Variants in AGRN observed in about 807,000 individuals in gnomAD.
The protein encoded by AGRN is agrin, also known as agrin proteoglycan.
A neutral mutation model predicts 211.0 loss-of-function variants in AGRN; 106 were observed. That is an observed-to-expected ratio of 0.50 (90% CI 0.43 to 0.59). The LOEUF is 0.59. Ranked by LOEUF, AGRN falls within the 20% of genes least tolerant of loss-of-function variation. AGRN has a pLI of 0.00. For missense variants in AGRN, 3,040 were observed against 2,982.6 expected (o/e 1.02, Z -0.45); for synonymous variants, 1,525 against 1,332.5 (o/e 1.14, Z -3.15).
intron 19 of AGRN, 167 bp from the exon 20 acceptor site, chr1:1,047,160 C>T (rs1645122495): frequency 7.4e-7 from 1 of 1,356,788 alleles, no homozygotes; most frequent in South Asian, 1.5e-5. Flanking sequence ...AGGAGTCCTC[C>T]TGGTAACCGA....
intron 26 of AGRN, 37 bp downstream of exon 26, chr1:1,049,832 C>T (rs751199665): frequency 5.2e-5 from 84 of 1,609,766 alleles, no homozygotes; most frequent in Middle Eastern, 5.0e-4. Context: ...AGTGGGACCC[C>T]GGGGCCTGTG....
chr1:1,049,205 G>A (rs370076011), intron 24 of AGRN, 31 bp from the exon 25 acceptor site: 665 of 1,524,142 alleles, frequency 4.4e-4, no homozygotes, highest in Non-Finnish European at 5.2e-4. Context: ...GGGGCCGGGC[G>A]ATGGTCCTGA....
chr1:1,048,597 T>A lies in AGRN; in HGVS notation c.4105+232T>A, dbSNP rs1347159361. 4.3e-5 allele frequency: 25 copies of A among 585,486 alleles called. No homozygotes were observed. In the East Asian group the frequency reaches 7.3e-4, roughly 17 times the overall value. The allele number at this position is 585,486 out of a possible 1,614,324, so 36.3% of individuals were successfully genotyped here. On this transcript the variant is annotated intron_variant, in intron 23 of 35. Transcript: ENST00000379370. This position sits in a 1 kb window ranked among gnomAD's most constrained non-coding sequence, Gnocchi z 5.9. The stretch of plus-strand genomic sequence containing the variant: ...ACCAGCCTGACCAACATGGAGACAC[T>A]CTGTCTCTACTAAAAATACAAAATT...
chr1:1,026,827 C>T (rs1249088913), intron 2 of AGRN, among the ~76,000 whole-genome samples: 1 of 152,176 alleles, frequency 6.6e-6, no homozygotes. Flanking sequence ...GAGATATCAC[C>T]CCATGGACAG....
chr1:1,022,689 C>T (rs1279554701), intron 2 of AGRN, among the ~76,000 whole-genome samples: 2 of 152,232 alleles, frequency 1.3e-5, no homozygotes, highest in Non-Finnish European at 2.9e-5. Context: ...AAGGCAAGTC[C>T]CAGCCCTGCA....
At chr1:1,036,523 G>A (rs1046682039) in intron 3 of AGRN, among the ~76,000 whole-genome samples, 1 of 152,164 alleles carries the variant, frequency 6.6e-6, no homozygotes, top group African/African-American at 2.4e-5. Context: ...CAAGTGGGCA[G>A]TGGTTCTCCC....
rs776866121 is a variant in AGRN at position 1,046,643 on chromosome 1, T to C, written c.3158T>C (p.Val1053Ala). 1.3e-6 allele frequency: 2 copies of C among 1,597,762 alleles called. No homozygotes were observed. The highest frequency in any genetic ancestry group is 1.7e-6 in the Non-Finnish European group (2 of 1,177,572). The change falls in exon 18 of 36, where the codon GTG becomes GCG. Residue 1053 changes from valine to alanine, a missense_variant. By Grantham distance (64) the Val-to-Ala change is moderately conservative. This residue lies in a region of AGRN where 1,537 missense variants were observed against 1,505.0 expected (regional missense o/e 1.02). Coordinates refer to ENST00000379370, the MANE Select transcript of AGRN (RefSeq NM_198576.4). Reference sequence around the variant, plus strand: ...GCACCCTCCCCTGCACCCAGCCTGGTGGCGTCCGCCTTTGGTGAATCTGGC... The same window carrying C: ...GCACCCTCCCCTGCACCCAGCCTGGCGGCGTCCGCCTTTGGTGAATCTGGC... Reference protein sequence around the residue: ...PTAPSPAPSLVASAFGESGST... With the variant: ...PTAPSPAPSLAASAFGESGST...
chr1:1,045,164 C>T lies in AGRN; in HGVS notation c.2258C>T (p.Pro753Leu). ...AGTCCCGTACCCTTTCCTGCAGGCC[C>T]CACCTTCGCCCCGCTGCCGCCTGTG... The part of the protein sequence containing the change: ...YVAAQGACRG[P>L]TFAPLPPVAP... The change falls in exon 13 of 36, where the codon CCC becomes CTC. Residue 753 changes from proline to leucine, a missense_variant. Physicochemically the swap from Pro to Leu is moderately conservative, Grantham distance 98. This residue lies in a region of AGRN where 1,498 missense variants were observed against 1,457.8 expected (regional missense o/e 1.03). Transcript: ENST00000379370. 1.2e-6 allele frequency: 2 copies of T among 1,612,148 alleles called. No individual in the cohort carries two copies.
chr1:1,042,310 A>T, intron 7 of AGRN, 148 bp downstream of exon 7: 1 of 1,088,902 alleles, frequency 9.2e-7, no homozygotes, highest in Non-Finnish European at 1.3e-6. Context: ...GGGAGGGTGG[A>T]GCCTGTGTGC....
rs751833707 is a variant in AGRN, at chr1:1,046,670, G to A, written c.3185G>A (p.Ser1062Asn). The part of the protein sequence containing the change: ...LVASAFGESG[S>N]TDGSSDEELS... ...GCGTCCGCCTTTGGTGAATCTGGCA[G>A]CACTGATGGAAGCAGCGATGAGGAA... is the stretch of plus-strand genomic sequence containing the variant. Residue 1062 changes from serine (S) to asparagine (N), a missense_variant, in exon 18 of 36, where the codon AGC becomes AAC. Around this residue, in one of 3 missense-constraint regions of AGRN, gnomAD observed 1,537 missense variants for 1,505.0 expected, o/e 1.02. Transcript: ENST00000379370. The A allele has an allele frequency of 8.2e-6, 13 of 1,591,300 alleles. No homozygotes were observed. The East Asian group carries it at 2.5e-4, about 30-fold the overall frequency.
Position 1,048,604 on chromosome 1 carries a change from C to T in AGRN, c.4105+239C>T. ...TGACCAACATGGAGACACTCTGTCTCTACTAAAAATACAAAATTAGCCGGG... is the reference window on the plus strand; with the variant it reads ...TGACCAACATGGAGACACTCTGTCTTTACTAAAAATACAAAATTAGCCGGG... On this transcript the variant is annotated intron_variant, in intron 23 of 35. Coordinates refer to ENST00000379370, the MANE Select transcript of AGRN (RefSeq NM_198576.4). The surrounding 1 kb of genome is among the most constrained non-coding windows in gnomAD (Gnocchi z 5.9). The T allele has an allele frequency of 1.7e-6, 1 of 594,522 alleles. No individual in the cohort carries two copies. Among genetic ancestry groups the T allele is most frequent in the Non-Finnish European group, 2.9e-6 (1 of 343,256 alleles). 36.8% of individuals were successfully genotyped at this position (594,522 alleles called of 1,614,324 possible). A position where few individuals can be genotyped will look rare whatever the true frequency, so the allele number is the denominator to read the frequency against.
chr1:1,055,301 T>C lies in AGRN; in HGVS notation c.*320T>C, dbSNP rs1284214771. The C allele has an allele frequency of 2.4e-6, 1 of 416,880 alleles. No individual in the cohort carries two copies. The highest frequency in any genetic ancestry group is 2.0e-5 in the African/African-American group (1 of 49,272). The allele number at this position is 416,880 out of a possible 1,614,324, so 25.8% of individuals were successfully genotyped here. On this transcript the variant is annotated 3_prime_UTR_variant, in exon 36 of 36. Coordinates refer to ENST00000379370, the MANE Select transcript of AGRN (RefSeq NM_198576.4). ...CGGCTCCTGAATCACCCTCGCTCCG[T>C]CAGGCGGGACTCGTGTCCCAGAGAG...
chr1:1,036,448 C>T (rs531935207), intron 3 of AGRN, among the ~76,000 whole-genome samples: 9 of 152,200 alleles, frequency 5.9e-5, no homozygotes, highest in Admixed American at 3.9e-4. Context: ...TCTGCTTCCT[C>T]GACCGCCTGC....
At chr1:1,022,023 G>A (rs1644417127) in intron 1 of AGRN, among the ~76,000 whole-genome samples, 178 bp from the exon 2 acceptor site, 1 of 152,266 alleles carries the variant, frequency 6.6e-6, no homozygotes, top group Non-Finnish European at 1.5e-5. Context: ...CGCATGGGCT[G>A]TGGTGGCCAG....
chr1:1,022,380 C>T lies in AGRN; in HGVS notation c.381C>T (p.Ala127=), dbSNP rs779647850. Reference sequence around the variant, plus strand: ...CTGCACCCCCATACCTGTGGCCAGCCCACAAGAACGAGCTGATGCTCAACT... The same window carrying T: ...CTGCACCCCCATACCTGTGGCCAGCTCACAAGAACGAGCTGATGCTCAACT... ...VNPAPPYLWP[A]HKNELMLNSS... Residue 127 remains alanine (A), a synonymous_variant, in exon 2 of 36, where the codon GCC becomes GCT. Coordinates refer to ENST00000379370, the MANE Select transcript of AGRN (RefSeq NM_198576.4). The T allele has an allele frequency of 6.2e-7, 1 of 1,613,364 alleles. No homozygotes were observed. Among genetic ancestry groups the T allele is most frequent in the Non-Finnish European group, 8.5e-7 (1 of 1,180,002 alleles).
chr1:1,044,296 A>T, intron 11 of AGRN, 38 bp from the exon 12 acceptor site: 1 of 1,609,838 alleles, frequency 6.2e-7, no homozygotes, highest in Non-Finnish European at 8.5e-7. Flanking sequence ...GGCGGCGGGG[A>T]CGGGGCTGCG....
At chr1:1,053,409 T>G (rs1645364661) in intron 33 of AGRN, 8 of 1,339,122 alleles carry the variant, frequency 6.0e-6, no homozygotes, top group Non-Finnish European at 7.9e-6. Context: ...TGGGTTTGCA[T>G]TGGCCCCGCC....
rs1305076046 is a variant in AGRN, at chr1:1,045,514, G to A, written c.2527G>A (p.Gly843Ser). The part of the protein sequence containing the change: ...FRGIVTDGRS[G>S]CTPCSCDPQG... The stretch of plus-strand genomic sequence containing the variant: ...AGGCATCGTCACCGATGGCCGGAGT[G>A]GCTGTACACGTGAGTGACAGGGCCC... The change falls in exon 14 of 36, where the codon GGC becomes AGC. Residue 843 changes from glycine to serine, a missense_variant. Physicochemically the swap from Gly to Ser is moderately conservative, Grantham distance 56. Transcript: ENST00000379370. 3 of 1,612,684 alleles carry A rather than the reference G, an allele frequency of 1.9e-6. No homozygotes were observed. The highest frequency in any genetic ancestry group is 2.2e-5 in the South Asian group (2 of 91,092).
At chr1:1,027,149 C>T (rs1014651205) in intron 2 of AGRN, among the ~76,000 whole-genome samples, 1 of 152,256 alleles carries the variant, frequency 6.6e-6, no homozygotes. Context: ...CTGCAGTCCC[C>T]CCACGGAGCA....
Sources: gnomAD v4.1 joint callset for allele counts (sites outside exome capture counted in the v4.1 genomes callset) on GRCh38, gnomAD v4.1.1 for gene constraint, gnomAD v4.1.1 regional missense constraint, Gnocchi (gnomAD v3.1) non-coding constraint, MANE v1.5 for transcripts, NCBI Gene and HGNC (gene_info 2026-07-23, HGNC 2026-07-21) for gene names.